ADGRB3: variants seen among roughly 807,000 people sequenced by gnomAD.
The protein encoded by ADGRB3 is brain-specific angiogenesis inhibitor 3.
In ADGRB3, 37 loss-of-function variants were observed where a neutral mutation model predicts 193.4. The observed-to-expected ratio is 0.19, with a 90% CI of 0.15 to 0.25. The LOEUF (loss-of-function observed/expected upper bound fraction) is 0.25, where lower values mean the gene tolerates loss of function less well. ADGRB3 is among the 10% of genes least tolerant of loss of function. ADGRB3 has a pLI of 1.00. For synonymous variants in ADGRB3, 690 were observed against 644.2 expected (o/e 1.07, Z -1.08); for missense variants, 1,637 against 1,852.9 (o/e 0.88, Z 2.14).
At chr6:69,291,550 T>C (rs1561978574) in intron 20 of ADGRB3, among the ~76,000 whole-genome samples, 1 of 152,218 alleles carries the variant, frequency 6.6e-6, no homozygotes, top group Non-Finnish European at 1.5e-5. Flanking sequence ...CTTAGTATCA[T>C]TAGCAGTAAG....
At chr6:68,698,998 G>T (rs1053662756) in intron 3 of ADGRB3, among the ~76,000 whole-genome samples, 3 of 151,836 alleles carry the variant, frequency 2.0e-5, no homozygotes, top group Non-Finnish European at 4.4e-5. Flanking sequence ...TCTAACTTTT[G>T]TATAATTTTT....
chr6:68,859,386 A>G (rs1233882383), intron 3 of ADGRB3, among the ~76,000 whole-genome samples: 7 of 152,164 alleles, frequency 4.6e-5, no homozygotes, highest in African/African-American at 1.7e-4. Context: ...CCAAAGTCTC[A>G]TCCACATTTT....
chr6:68,685,631 T>C (rs1764968619), intron 3 of ADGRB3, among the ~76,000 whole-genome samples: 1 of 151,500 alleles, frequency 6.6e-6, no homozygotes, highest in Admixed American at 6.6e-5. Context: ...AATAAAAATA[T>C]ACTTTGGGAG....
chr6:69,213,898 G>A (rs968337811), intron 17 of ADGRB3, among the ~76,000 whole-genome samples: 2 of 152,114 alleles, frequency 1.3e-5, no homozygotes, highest in Non-Finnish European at 2.9e-5. Context: ...TATGTTCAAA[G>A]TTATATATTG....
chr6:69,359,567 A>G (rs1280326556), intron 28 of ADGRB3, among the ~76,000 whole-genome samples: 1 of 151,896 alleles, frequency 6.6e-6, no homozygotes, highest in Non-Finnish European at 1.5e-5. Context: ...ATGTTTTGAA[A>G]TAATTTTAAA....
intron 4 of ADGRB3, among the ~76,000 whole-genome samples, chr6:68,933,462 G>A (rs183617453): frequency 2.4e-4 from 37 of 152,132 alleles, no homozygotes; most frequent in East Asian, 3.9e-4. Flanking sequence ...GTGTGGTGGC[G>A]CACACCTGTA....
At chr6:68,718,577 A>G (rs1765523448) in intron 3 of ADGRB3, among the ~76,000 whole-genome samples, 1 of 151,532 alleles carries the variant, frequency 6.6e-6, no homozygotes, top group Non-Finnish European at 1.5e-5. Context: ...CCTTCTCTCC[A>G]TATTTACTTA....
intron 3 of ADGRB3, among the ~76,000 whole-genome samples, chr6:68,646,475 C>CA (rs368034374): frequency 0.17 from 18,498 of 107,336 alleles, 1,949 homozygotes; most frequent in East Asian, 0.61. Context: ...GAAACTCTGT[C>CA]AAAAAAAAAA....
intron 18 of ADGRB3, among the ~76,000 whole-genome samples, chr6:69,234,018 T>A (rs1284856309): frequency 6.6e-6 from 1 of 152,128 alleles, no homozygotes; most frequent in African/African-American, 2.4e-5. Context: ...GAAAGAAAAA[T>A]AATATTCTCA....
chr6:69,337,499 A>G (rs953066227), intron 24 of ADGRB3, among the ~76,000 whole-genome samples: 1 of 152,178 alleles, frequency 6.6e-6, no homozygotes. Flanking sequence ...TGTGGAGAAT[A>G]CTAGGCTATG....
chr6:68,934,985 T>A (rs1190763294), intron 4 of ADGRB3, among the ~76,000 whole-genome samples: 2 of 152,200 alleles, frequency 1.3e-5, no homozygotes, highest in Non-Finnish European at 2.9e-5. Context: ...TTTGATGTAA[T>A]CTGTCATCCC....
intron 6 of ADGRB3, among the ~76,000 whole-genome samples, chr6:68,950,636 TTTGA>T (rs1767891421): frequency 6.6e-6 from 1 of 152,156 alleles, no homozygotes. Context: ...CCTTTACCTA[TTTGA>T]TTAAGCCAAA....
At chr6:68,789,717 A>T (rs2127365845) in intron 3 of ADGRB3, among the ~76,000 whole-genome samples, 1 of 152,242 alleles carries the variant, frequency 6.6e-6, no homozygotes, top group East Asian at 1.9e-4. Flanking sequence ...TAGATTGGGG[A>T]AGTTCTCCTG....
At chr6:68,689,669 GTTTGTT>G (rs916969570) in intron 3 of ADGRB3, among the ~76,000 whole-genome samples, 9 of 149,662 alleles carry the variant, frequency 6.0e-5, no homozygotes, top group African/African-American at 2.2e-4. Context: ...TTGTTTGTTT[GTTTGTT>G]TTTGTTTTTT....
At chr6:69,365,001 A>G (rs1456207320) in intron 29 of ADGRB3, among the ~76,000 whole-genome samples, 1 of 152,050 alleles carries the variant, frequency 6.6e-6, no homozygotes, top group Non-Finnish European at 1.5e-5. Flanking sequence ...CATTGTAGAG[A>G]GACAGGTCAG....
intron 29 of ADGRB3, among the ~76,000 whole-genome samples, chr6:69,371,728 C>G (rs1416030483): frequency 6.6e-6 from 1 of 152,020 alleles, no homozygotes; most frequent in African/African-American, 2.4e-5. Flanking sequence ...ATTTCAGAAA[C>G]TGTTTAACAA....
At chr6:68,843,327 G>C (rs1312516313) in intron 3 of ADGRB3, among the ~76,000 whole-genome samples, 1 of 151,950 alleles carries the variant, frequency 6.6e-6, no homozygotes, top group African/African-American at 2.4e-5. Context: ...ATTTAGTAAA[G>C]TTGCAGGATA....
intron 29 of ADGRB3, among the ~76,000 whole-genome samples, chr6:69,367,841 T>G (rs1189157838): frequency 1.3e-5 from 2 of 151,978 alleles, no homozygotes; most frequent in Non-Finnish European, 2.9e-5. Flanking sequence ...TCATGTCCTT[T>G]GTAGGGACAT....
intron 3 of ADGRB3, among the ~76,000 whole-genome samples, chr6:68,719,748 T>A (rs1765545173): frequency 6.6e-6 from 1 of 151,676 alleles, no homozygotes. Flanking sequence ...TTTTTAGTGG[T>A]CTTTCAACAT....
Sources: gnomAD v4.1 joint callset for allele counts (sites outside exome capture counted in the v4.1 genomes callset) on GRCh38, gnomAD v4.1.1 for gene constraint, MANE v1.5 for transcripts, NCBI Gene and HGNC (gene_info 2026-07-23, HGNC 2026-07-21) for gene names.